The following CNTNAP3B variants were observed in gnomAD, a reference collection of about 807,000 sequenced individuals.
The protein encoded by CNTNAP3B is contactin associated protein family member 3B.
CNTNAP3B carries 25 observed loss-of-function variants against 108.9 expected under a neutral mutation model. The observed-to-expected ratio is 0.23, with a 90% confidence interval of 0.17 to 0.32. The LOEUF (loss-of-function observed/expected upper bound fraction) is 0.32. Ranked by LOEUF, CNTNAP3B falls within the 10% of genes least tolerant of loss-of-function variation. CNTNAP3B has a pLI of 1.00. For synonymous variants in CNTNAP3B, 103 were observed against 473.4 expected, an observed-to-expected ratio of 0.22 and a Z score of 10.16; for missense variants, 252 against 1,210.4, an observed-to-expected ratio of 0.21 and a Z score of 11.75.
chr9:41,940,764 G>A (rs1330822432), intron 13 of CNTNAP3B, among the ~76,000 whole-genome samples: 2 of 152,064 alleles, frequency 1.3e-5, no homozygotes, highest in African/African-American at 2.4e-5. Context: ...GCAGTGAGCC[G>A]AGATTGTGCC....
chr9:41,986,341 C>A (rs1336893073), intron 8 of CNTNAP3B, 30 bp from the exon 9 acceptor site: 1 of 1,116,180 alleles, frequency 9.0e-7, no homozygotes, highest in Non-Finnish European at 1.2e-6. Context: ...TCAGAGACAA[C>A]TCTAAATTAT....
chr9:42,129,370 A>G lies in CNTNAP3B; in HGVS notation c.-276T>C, dbSNP rs1461643077. 4 of 344,442 alleles carry G rather than the reference A, an allele frequency of 1.2e-5. 2 individuals are homozygous for G. In the African/African-American group the frequency reaches 1.2e-4, roughly 10 times the overall value. 21.3% of individuals were successfully genotyped at this position (344,442 alleles called of 1,614,324 possible). ...GCGCCGCCCCAGGCACGGAGGCGGC[A>G]GGTTCAGGCGCGTCCCGGACACTAG... On this transcript the variant is annotated 5_prime_UTR_variant, in exon 1 of 24. Transcript: ENST00000377561.
At chr9:41,991,155 G>A (rs930193089) in intron 8 of CNTNAP3B, among the ~76,000 whole-genome samples, 1 of 117,138 alleles carries the variant, frequency 8.5e-6, no homozygotes, top group Non-Finnish European at 1.8e-5. Flanking sequence ...CTTGGTATTT[G>A]CCGGGCATCT....
intron 3 of CNTNAP3B, among the ~76,000 whole-genome samples, chr9:42,036,042 A>T (rs1380153665): frequency 1.3e-5 from 2 of 148,394 alleles, no homozygotes; most frequent in African/African-American, 5.1e-5. Flanking sequence ...TGGGAGGCAG[A>T]GGTTGCGGTG....
At chr9:41,954,258 A>G (rs1362413991) in intron 12 of CNTNAP3B, among the ~76,000 whole-genome samples, 2 of 152,266 alleles carry the variant, frequency 1.3e-5, no homozygotes, top group African/African-American at 2.4e-5. Flanking sequence ...AGAACTACGA[A>G]ACAAAACAAT....
At chr9:41,928,236 A>G (rs1215399490) in intron 15 of CNTNAP3B, among the ~76,000 whole-genome samples, 3 of 152,370 alleles carry the variant, frequency 2.0e-5, no homozygotes, top group African/African-American at 4.8e-5. Context: ...AAAGAACTTT[A>G]TTGCTCACAG....
At chr9:41,919,330 G>A (rs1588038586) in intron 18 of CNTNAP3B, among the ~76,000 whole-genome samples, 2 of 152,148 alleles carry the variant, frequency 1.3e-5, no homozygotes, top group East Asian at 3.9e-4. Flanking sequence ...TGGCCAGGCT[G>A]GTCTTGAATT....
At chr9:42,026,717 GGACTTCCCATAT>G (rs2118465705) in intron 3 of CNTNAP3B, among the ~76,000 whole-genome samples, 1 of 127,930 alleles carries the variant, frequency 7.8e-6, no homozygotes, top group African/African-American at 3.2e-5. Context: ...GCAACATTCT[GGACTTCCCATAT>G]TTTTCTGCCG....
rs1315738615 is a variant in CNTNAP3B at position 42,044,631 on chromosome 9, G to A, written c.391-31106C>T. On this transcript the variant is annotated intron_variant, in intron 3 of 23. Coordinates refer to ENST00000377561, the MANE Select transcript of CNTNAP3B (RefSeq NM_001201380.3). ...ACTCCTGAGGACAACCGACTCAGAC[G>A]GGGTCCGAAGAAATTCAGATCGGTG... 1.7e-4 allele frequency among the ~76,000 whole-genome samples: 24 copies of A among 144,490 alleles called. No individual in the cohort carries two copies. The East Asian group carries it at 4.3e-3, about 26-fold the overall frequency. The allele number at this position is 144,490 out of a possible 152,430, so 94.8% of individuals were successfully genotyped here.
At position 42,090,783 on chromosome 9, in the gene CNTNAP3B, CATAT is replaced by C. The variant is rs1418657349; in HGVS notation, c.197-13725_197-13722del. ...CACACACTGACCATGTATGTACTGACATATATATACACACACTCACACTGACCGT... is the reference window on the plus strand; with the variant it reads ...CACACACTGACCATGTATGTACTGACATATACACACACTCACACTGACCGT... On this transcript the variant is annotated intron_variant, in intron 2 of 23. Coordinates refer to ENST00000377561, the MANE Select transcript of CNTNAP3B (RefSeq NM_001201380.3). 2.5e-5 allele frequency among the ~76,000 whole-genome samples: 2 copies of C among 79,880 alleles called. 1 individual carries two copies. The highest frequency in any genetic ancestry group is 5.1e-5 in the Non-Finnish European group (2 of 39,242). 52.4% of individuals were successfully genotyped at this position (79,880 alleles called of 152,430 possible). A position where few individuals can be genotyped will look rare whatever the true frequency, so the allele number is the denominator to read the frequency against.
At chr9:42,109,570 C>A (rs1190203504) in intron 1 of CNTNAP3B, among the ~76,000 whole-genome samples, 3 of 145,672 alleles carry the variant, frequency 2.1e-5, no homozygotes, top group Non-Finnish European at 4.5e-5. Flanking sequence ...CAAATGAGGA[C>A]ACCTCCTGGC....
At chr9:42,124,883 CTTTATT>C (rs1483993976) in intron 1 of CNTNAP3B, among the ~76,000 whole-genome samples, 1 of 138,342 alleles carries the variant, frequency 7.2e-6, no homozygotes, top group Non-Finnish European at 1.5e-5. Context: ...TTTTCAGCCT[CTTTATT>C]TTTAATCTAC....
intron 9 of CNTNAP3B, among the ~76,000 whole-genome samples, chr9:41,973,051 C>T (rs1466363499): frequency 1.5e-5 from 2 of 137,888 alleles, no homozygotes; most frequent in South Asian, 2.5e-4. Flanking sequence ...CATTCTCCTG[C>T]CTCAGCCTCC....
intron 13 of CNTNAP3B, among the ~76,000 whole-genome samples, chr9:41,943,217 C>T (rs1384388359): frequency 2.6e-5 from 4 of 152,268 alleles, no homozygotes; most frequent in Admixed American, 1.3e-4. Context: ...TCATCAAAGT[C>T]TGGGAAGACT....
chr9:41,931,239 T>C (rs1319721064), intron 14 of CNTNAP3B, among the ~76,000 whole-genome samples: 5 of 152,288 alleles, frequency 3.3e-5, no homozygotes, highest in Non-Finnish European at 4.4e-5. Context: ...ACATGTGCTA[T>C]TTTGATACTA....
chr9:42,108,014 A>G (rs1208958963), intron 1 of CNTNAP3B, among the ~76,000 whole-genome samples: 1 of 135,820 alleles, frequency 7.4e-6, no homozygotes, highest in Admixed American at 7.4e-5. Flanking sequence ...ACTAAATTTT[A>G]TAAAATAAAA....
At position 42,115,574 on chromosome 9, in the gene CNTNAP3B, C is replaced by T. The variant is rs1254028502; in HGVS notation, c.86-10835G>A. The stretch of plus-strand genomic sequence containing the variant: ...TTCTGCAATATTTGCTGTTCTGCAG[C>T]CTCTGCTGGTGATACCCAGGCAAAC... On this transcript the variant is annotated intron_variant, in intron 1 of 23. Transcript: ENST00000377561. 3.0e-5 allele frequency among the ~76,000 whole-genome samples: 4 copies of T among 133,890 alleles called. 1 individual carries two copies. Among genetic ancestry groups the T allele is most frequent in the African/African-American group, 1.2e-4 (4 of 33,132 alleles). 87.8% of individuals were successfully genotyped at this position (133,890 alleles called of 152,430 possible). A position where few individuals can be genotyped will look rare whatever the true frequency, so the allele number is the denominator to read the frequency against.
At chr9:41,959,749 G>A (rs1436158280) in intron 12 of CNTNAP3B, among the ~76,000 whole-genome samples, 1 of 152,312 alleles carries the variant, frequency 6.6e-6, no homozygotes, top group African/African-American at 2.4e-5. Context: ...CACTTTAAAT[G>A]CCCATGTAAT....
chr9:41,961,784 C>T (rs1825099650), intron 11 of CNTNAP3B, among the ~76,000 whole-genome samples: 1 of 152,298 alleles, frequency 6.6e-6, no homozygotes, highest in Non-Finnish European at 1.5e-5. Context: ...AAAGATATCC[C>T]TATATAATGT....
Sources: allele counts gnomAD v4.1 joint callset (sites outside exome capture counted in the v4.1 genomes callset), GRCh38; gene constraint gnomAD v4.1.1; transcripts MANE v1.5; gene names NCBI Gene and HGNC (gene_info 2026-07-23, HGNC 2026-07-21).